SNTG1: variants seen among roughly 807,000 people sequenced by gnomAD.
The protein encoded by SNTG1 is gamma-1-syntrophin.
A neutral mutation model predicts 74.7 loss-of-function variants in SNTG1; 39 were observed. That is an observed-to-expected ratio of 0.52 (90% CI 0.40 to 0.68). The LOEUF (loss-of-function observed/expected upper bound fraction) is 0.68, where lower values mean the gene tolerates loss of function less well. SNTG1 is among the 30% of genes least tolerant of loss of function. The probability of loss-of-function intolerance (pLI) is 0.00; values close to 1 mark genes in which losing one functional copy is unlikely to be tolerated. For synonymous variants in SNTG1, 254 were observed against 217.1 expected (o/e 1.17, Z -1.49); for missense variants, 685 against 609.5 (o/e 1.12, Z -1.30).
At chr8:50,197,658 A>T (rs1300484506) in intron 2 of SNTG1, among the ~76,000 whole-genome samples, 2 of 152,128 alleles carry the variant, frequency 1.3e-5, no homozygotes, top group Non-Finnish European at 1.5e-5. Context: ...TACTGTCCAG[A>T]GTGGCAAGCT....
chr8:50,648,858 T>C (rs2095126989), intron 13 of SNTG1, among the ~76,000 whole-genome samples: 1 of 152,190 alleles, frequency 6.6e-6, no homozygotes, highest in Non-Finnish European at 1.5e-5. Flanking sequence ...CTCACTTAAC[T>C]GTTATCCTGA....
chr8:49,967,410 C>T (rs1316424911), intron 1 of SNTG1, among the ~76,000 whole-genome samples: 22 of 152,192 alleles, frequency 1.4e-4, no homozygotes, highest in Admixed American at 1.4e-3. Context: ...AGACATGAGA[C>T]TGTGAACTTT....
chr8:50,255,668 T>G (rs1339425287), intron 2 of SNTG1, among the ~76,000 whole-genome samples: 1 of 152,212 alleles, frequency 6.6e-6, no homozygotes, highest in Admixed American at 6.5e-5. Context: ...TCTCCTTGTC[T>G]GCATGTTTAT....
At chr8:50,460,093 T>G (rs1438878515) in intron 8 of SNTG1, among the ~76,000 whole-genome samples, 3 of 152,202 alleles carry the variant, frequency 2.0e-5, no homozygotes, top group East Asian at 3.9e-4. Context: ...ATAAACTGCT[T>G]TCCACAGTGG....
At chr8:50,636,155 T>C (rs1481002626) in intron 13 of SNTG1, among the ~76,000 whole-genome samples, 1 of 151,144 alleles carries the variant, frequency 6.6e-6, no homozygotes, top group Non-Finnish European at 1.5e-5. Context: ...GTATCCAAGT[T>C]GCAAGACAAA....
At chr8:49,949,377 T>G (rs1809501001) in intron 1 of SNTG1, among the ~76,000 whole-genome samples, 1 of 152,216 alleles carries the variant, frequency 6.6e-6, no homozygotes, top group Admixed American at 6.5e-5. Context: ...TCCTTAGGTG[T>G]TGGACTACAT....
At chr8:50,738,671 A>G (rs774236473) in intron 17 of SNTG1, among the ~76,000 whole-genome samples, 2 of 152,194 alleles carry the variant, frequency 1.3e-5, no homozygotes, top group Non-Finnish European at 2.9e-5. Flanking sequence ...CTACAAAGCT[A>G]CAGTAACCAA....
chr8:50,742,184 C>A (rs1030315952), intron 17 of SNTG1, among the ~76,000 whole-genome samples: 16 of 151,918 alleles, frequency 1.1e-4, no homozygotes, highest in African/African-American at 3.9e-4. Context: ...ATCTAACAGA[C>A]ATATGCATGC....
chr8:50,693,651 A>G (rs1007818657), intron 15 of SNTG1, among the ~76,000 whole-genome samples: 4 of 152,180 alleles, frequency 2.6e-5, no homozygotes, highest in Admixed American at 6.5e-5. Flanking sequence ...CTTAACAGCA[A>G]CAGAATACAC....
At chr8:50,788,629 G>C (rs2095682579) in intron 18 of SNTG1, among the ~76,000 whole-genome samples, 1 of 151,902 alleles carries the variant, frequency 6.6e-6, no homozygotes, top group Admixed American at 6.6e-5. Context: ...AAGCTTTTAA[G>C]GAGCAAGCAG....
intron 4 of SNTG1, among the ~76,000 whole-genome samples, chr8:50,413,661 CCTCT>C (rs2092978735): frequency 6.6e-6 from 1 of 152,108 alleles, no homozygotes; most frequent in South Asian, 2.1e-4. Flanking sequence ...TGAAGAGCCT[CCTCT>C]CTATTATCTG....
chr8:50,405,610 C>T (rs1000307467), intron 4 of SNTG1, among the ~76,000 whole-genome samples: 1 of 151,978 alleles, frequency 6.6e-6, no homozygotes, highest in African/African-American at 2.4e-5. Context: ...CCTTTTTACT[C>T]TATTAGTATT....
chr8:50,080,713 A>G (rs973052218), intron 1 of SNTG1, among the ~76,000 whole-genome samples: 8 of 152,178 alleles, frequency 5.3e-5, no homozygotes, highest in East Asian at 1.9e-4. Context: ...CTTTGCTGCA[A>G]CTGATCAATT....
chr8:50,777,150 A>G (rs2095643088), intron 18 of SNTG1, among the ~76,000 whole-genome samples: 1 of 150,398 alleles, frequency 6.6e-6, no homozygotes, highest in Non-Finnish European at 1.5e-5. Flanking sequence ...TTTCGCTATT[A>G]CGTCTTTCAA....
chr8:50,013,198 T>A (rs1426799440), intron 1 of SNTG1, among the ~76,000 whole-genome samples: 3 of 152,184 alleles, frequency 2.0e-5, no homozygotes, highest in Non-Finnish European at 4.4e-5. Flanking sequence ...GTGTTTAATC[T>A]TCATAGAAAC....
chr8:50,139,360 A>T (rs1239567584), intron 1 of SNTG1, among the ~76,000 whole-genome samples: 1 of 152,184 alleles, frequency 6.6e-6, no homozygotes, highest in Non-Finnish European at 1.5e-5. Context: ...CATAATTTCT[A>T]AATATGACTT....
chr8:50,253,422 T>TTAAATAAATAAATAAATAAA (rs57078517), intron 2 of SNTG1, among the ~76,000 whole-genome samples: 1 of 148,912 alleles, frequency 6.7e-6, no homozygotes, highest in South Asian at 2.2e-4. Context: ...AAACTCCGTC[T>TTAAATAAATAAATAAATAAA]TAAATAAATA....
chr8:50,126,303 G>A (rs996743733), intron 1 of SNTG1, among the ~76,000 whole-genome samples: 19 of 152,102 alleles, frequency 1.2e-4, no homozygotes, highest in African/African-American at 4.3e-4. Context: ...GGCTGTGTAG[G>A]TTGTGCCAGG....
chr8:50,013,673 T>C (rs901977294), intron 1 of SNTG1, among the ~76,000 whole-genome samples: 2 of 152,128 alleles, frequency 1.3e-5, no homozygotes, highest in Non-Finnish European at 2.9e-5. Context: ...TGGTGATGCA[T>C]ATAATTACGG....
Sources: allele counts gnomAD v4.1 joint callset (sites outside exome capture counted in the v4.1 genomes callset), GRCh38; gene constraint gnomAD v4.1.1; transcripts MANE v1.5; gene names NCBI Gene and HGNC (gene_info 2026-07-23, HGNC 2026-07-21).